The following STX8 variants were observed in gnomAD, a reference collection of about 807,000 sequenced individuals.
The protein encoded by STX8 is syntaxin-8.
Under a neutral mutation model 37.5 loss-of-function variants are expected in STX8, and 23 were observed. That is an observed-to-expected ratio of 0.61 (90% CI 0.44 to 0.87). The LOEUF (loss-of-function observed/expected upper bound fraction) is 0.87. Ranked by LOEUF, STX8 falls within the 40% of genes least tolerant of loss-of-function variation. The pLI is 0.00. For missense variants in STX8, 313 were observed against 284.7 expected (o/e 1.10, Z -0.71); for synonymous variants, 115 against 99.1 (o/e 1.16, Z -0.95).
At chr17:9,383,189 T>G (rs1468727810) in intron 6 of STX8, among the ~76,000 whole-genome samples, 1 of 152,230 alleles carries the variant, frequency 6.6e-6, no homozygotes, top group East Asian at 1.9e-4. Flanking sequence ...GAATTTCTAT[T>G]GTTTATAAGC....
At chr17:9,305,159 C>G (rs1908933321) in intron 7 of STX8, among the ~76,000 whole-genome samples, 1 of 151,752 alleles carries the variant, frequency 6.6e-6, no homozygotes, top group Non-Finnish European at 1.5e-5. Flanking sequence ...GTGGCGCGGT[C>G]TCGGCTCACT....
In STX8 at chr17:9,429,103, C is replaced by T. The variant is rs557467227; in HGVS notation, c.542-50450G>A. Among the ~76,000 whole-genome samples the T allele has an allele frequency of 4.6e-5, 7 of 151,994 alleles. No homozygotes were observed. The East Asian group carries it at 1.2e-3, about 25-fold the overall frequency. The stretch of plus-strand genomic sequence containing the variant: ...TTAACCAGAACATCCCAATCCCTTA[C>T]TATATACTCAGTGGGGTTTTTAAAA... On this transcript the variant is annotated intron_variant, in intron 6 of 7. Coordinates refer to ENST00000306357, the MANE Select transcript of STX8 (RefSeq NM_004853.3).
At chr17:9,563,692 T>C (rs1907343035) in intron 2 of STX8, among the ~76,000 whole-genome samples, 1 of 152,188 alleles carries the variant, frequency 6.6e-6, no homozygotes, top group South Asian at 2.1e-4. Flanking sequence ...CACTTTTATA[T>C]AATTTTGACT....
At chr17:9,252,870 A>G (rs1294849241) in intron 7 of STX8, among the ~76,000 whole-genome samples, 1 of 152,182 alleles carries the variant, frequency 6.6e-6, no homozygotes, top group Non-Finnish European at 1.5e-5. Context: ...TGTGCAACCC[A>G]TGAGCTAACA....
chr17:9,439,500 G>C (rs1339384513), intron 6 of STX8, among the ~76,000 whole-genome samples: 1 of 150,586 alleles, frequency 6.6e-6, no homozygotes, highest in Non-Finnish European at 1.5e-5. Context: ...ATAACTAATT[G>C]TTATGATCAC....
chr17:9,572,440 C>T (rs542168375), intron 1 of STX8, among the ~76,000 whole-genome samples: 5 of 152,140 alleles, frequency 3.3e-5, no homozygotes, highest in South Asian at 4.2e-4. Context: ...CATGGAGTCT[C>T]GCTCTGTCGC....
At chr17:9,506,610 C>T (rs1904847268) in intron 4 of STX8, among the ~76,000 whole-genome samples, 1 of 152,078 alleles carries the variant, frequency 6.6e-6, no homozygotes, top group South Asian at 2.1e-4. Context: ...GAGGCCTGGA[C>T]ATATGAAGGC....
intron 6 of STX8, among the ~76,000 whole-genome samples, chr17:9,389,524 G>A (rs1031885667): frequency 1.3e-5 from 2 of 152,144 alleles, no homozygotes; most frequent in African/African-American, 2.4e-5. Flanking sequence ...CAAAATGACA[G>A]CATCACAAGG....
intron 7 of STX8, among the ~76,000 whole-genome samples, chr17:9,274,997 C>G (rs1225502265): frequency 1.3e-5 from 2 of 151,920 alleles, no homozygotes; most frequent in African/African-American, 4.8e-5. Flanking sequence ...GTAATCCGCC[C>G]GCCTTGGCCT....
At chr17:9,461,438 T>C (rs1358555778) in intron 6 of STX8, 1 of 152,226 alleles carries the variant, frequency 6.6e-6, no homozygotes, top group Non-Finnish European at 1.5e-5. Flanking sequence ...GAATACATTG[T>C]TCCTTTGGGT....
chr17:9,306,101 T>C (rs950082580), intron 7 of STX8, among the ~76,000 whole-genome samples: 1 of 152,132 alleles, frequency 6.6e-6, no homozygotes. Flanking sequence ...TTTATACGTC[T>C]AGATACATAA....
rs185487998 is a variant in STX8, at chr17:9,489,260, A to T, written c.541+2569T>A. Among the ~76,000 whole-genome samples the T allele has an allele frequency of 1.4e-4, 21 of 152,294 alleles. No homozygotes were observed. The East Asian group carries it at 3.9e-3, about 28-fold the overall frequency. On this transcript the variant is annotated intron_variant, in intron 6 of 7. Transcript: ENST00000306357. Reference sequence around the variant, plus strand: ...AACACACTTCAACCTGAGGAAGCTAATTTTAAAAATCAAATTAAAAAAAAT... The same window carrying T: ...AACACACTTCAACCTGAGGAAGCTATTTTTAAAAATCAAATTAAAAAAAAT...
intron 5 of STX8, 135 bp downstream of exon 5, chr17:9,504,903 G>A: frequency 2.4e-6 from 2 of 837,756 alleles, no homozygotes; most frequent in Non-Finnish European, 3.5e-6. Context: ...GAACCCGGGA[G>A]GTGGAGGTTG....
At chr17:9,571,235 T>C (rs1027735147) in intron 1 of STX8, among the ~76,000 whole-genome samples, 9 of 152,052 alleles carry the variant, frequency 5.9e-5, no homozygotes, top group African/African-American at 1.9e-4. Flanking sequence ...TAAAGAGCAA[T>C]AGTTCTGAAA....
intron 7 of STX8, among the ~76,000 whole-genome samples, chr17:9,309,795 G>A (rs1214494851): frequency 6.6e-6 from 1 of 152,128 alleles, no homozygotes; most frequent in Non-Finnish European, 1.5e-5. Flanking sequence ...AATAGGAAAA[G>A]TACAAATATT....
rs181011271 is a variant in STX8 at position 9,565,320 on chromosome 17, T to C, written c.117+3051A>G. Among the ~76,000 whole-genome samples the C allele has an allele frequency of 2.9e-3, 435 of 151,818 alleles. 2 individuals are homozygous for C. Among genetic ancestry groups the C allele is most frequent in the African/African-American group, 0.01 (416 of 41,402 alleles). On this transcript the variant is annotated intron_variant, in intron 2 of 7. Transcript: ENST00000306357. ...ACAGACATAGACCAATGGAACAGAA[T>C]AGAGAACTCAGTTGACCAGGCACAG...
chr17:9,545,473 C>CT (rs1906467547), intron 3 of STX8, among the ~76,000 whole-genome samples, 191 bp from the exon 4 acceptor site: 3 of 152,220 alleles, frequency 2.0e-5, no homozygotes, highest in Admixed American at 2.0e-4. Context: ...GGTAAAGGAC[C>CT]TTGGCAGGAC....
Position 9,404,426 on chromosome 17 carries a change from C to T in STX8, c.542-25773G>A, listed in dbSNP as rs114773178. 6.1e-3 allele frequency among the ~76,000 whole-genome samples: 931 copies of T among 152,070 alleles called. 11 individuals are homozygous for T. Among genetic ancestry groups the T allele is most frequent in the African/African-American group, 0.021 (885 of 41,484 alleles). ...GCTTTAGTTTCAGTGCACATTATCACAGAAGGGTCCATGTCATAAAAGAAG... is the reference window on the plus strand; with the variant it reads ...GCTTTAGTTTCAGTGCACATTATCATAGAAGGGTCCATGTCATAAAAGAAG... On this transcript the variant is annotated intron_variant, in intron 6 of 7. Coordinates refer to ENST00000306357, the MANE Select transcript of STX8 (RefSeq NM_004853.3).
intron 7 of STX8, among the ~76,000 whole-genome samples, chr17:9,372,457 A>G (rs76619598): frequency 0.061 from 9,317 of 152,054 alleles, 425 homozygotes; most frequent in East Asian, 0.21. Flanking sequence ...TATCAGATTA[A>G]AAAAATTATT....
Sources: gnomAD v4.1 joint callset for allele counts (sites outside exome capture counted in the v4.1 genomes callset) on GRCh38, gnomAD v4.1.1 for gene constraint, MANE v1.5 for transcripts, NCBI Gene and HGNC (gene_info 2026-07-23, HGNC 2026-07-21) for gene names.